OVCH1: variants seen among roughly 807,000 people sequenced by gnomAD.
The protein encoded by OVCH1 is ovochymase 1.
Under a neutral mutation model 138.4 loss-of-function variants are expected in OVCH1, and 139 were observed. That is an observed-to-expected ratio of 1.00 (90% CI 0.87 to 1.16). The LOEUF is 1.16. Among genes scored for constraint, OVCH1 ranks in the 50% most tolerant of loss-of-function variants. OVCH1 has a pLI of 0.00. For missense variants in OVCH1, 1,367 were observed against 1,357.9 expected, an observed-to-expected ratio of 1.01 and a Z score of -0.11; for synonymous variants, 453 against 467.8, an observed-to-expected ratio of 0.97 and a Z score of 0.41.
At chr12:29,472,006 AC>A (rs768877159) in intron 15 of OVCH1, 24 bp from the exon 16 acceptor site, 1 of 1,581,384 alleles carries the variant, frequency 6.3e-7, no homozygotes, top group Non-Finnish European at 8.6e-7. Context: ...GAAACCAATG[AC>A]CCATAAGGTT....
chr12:29,412,416 T>G (rs533205538), downstream of OVCH1: 1 of 152,484 alleles, frequency 6.6e-6, no homozygotes, highest in South Asian at 2.1e-4. Flanking sequence ...TCTGCGTCAC[T>G]CACGCTGGGA....
exon 19 of OVCH1, chr12:29,461,898 T>A (rs775139885): frequency 1.2e-6 from 2 of 1,613,880 alleles, no homozygotes; most frequent in Non-Finnish European, 1.7e-6. Flanking sequence ...CCAGCACAGA[T>A]CATCTTCTCT....
exon 21 of OVCH1, chr12:29,454,877 G>A (rs1293290072): frequency 1.2e-6 from 2 of 1,612,948 alleles, no homozygotes; most frequent in South Asian, 1.1e-5. Context: ...GGTGTGGGTG[G>A]TGGCAATTGT....
At chr12:29,441,787 G>C (rs373468071) in intron 25 of OVCH1, among the ~76,000 whole-genome samples, 94 of 150,802 alleles carry the variant, frequency 6.2e-4, no homozygotes, top group South Asian at 4.0e-3. Flanking sequence ...AAAAAACAAA[G>C]AACCCCATCA....
downstream of OVCH1, chr12:29,425,799 T>C (rs1308426726): frequency 6.6e-6 from 1 of 152,138 alleles, no homozygotes; most frequent in African/African-American, 2.4e-5. Flanking sequence ...GCAGAACAAG[T>C]TTTGTACATG....
chr12:29,488,464 A>C (rs555239175), intron 6 of OVCH1, among the ~76,000 whole-genome samples: 1 of 151,776 alleles, frequency 6.6e-6, no homozygotes, highest in South Asian at 2.1e-4. Flanking sequence ...TAAAAATACA[A>C]AAAAATTAGC....
exon 7 of OVCH1, chr12:29,487,788 G>A: frequency 6.2e-7 from 1 of 1,606,226 alleles, no homozygotes; most frequent in Non-Finnish European, 8.5e-7. Context: ...TACGGGAACT[G>A]AACCTCCAGC....
chr12:29,423,238 A>G, downstream of OVCH1: 1 of 455,992 alleles, frequency 2.2e-6, no homozygotes, highest in Non-Finnish European at 4.4e-6. Flanking sequence ...CTTAAAATGC[A>G]CAGTCAGGTA....
chr12:29,405,021 C>CAAAAAAAA, the OVCH1 span, among the ~76,000 whole-genome samples: 30 of 80,436 alleles, frequency 3.7e-4, no homozygotes, highest in East Asian at 9.0e-4. Flanking sequence ...CACTCCACCT[C>CAAAAAAAA]AAAAAAAAAA....
chr12:29,402,361 A>C, the OVCH1 span, among the ~76,000 whole-genome samples: 1 of 152,338 alleles, frequency 6.6e-6, no homozygotes, highest in South Asian at 2.1e-4. Context: ...CAGAACCTTT[A>C]GACCAATATT....
chr12:29,406,768 G>A, the OVCH1 span, among the ~76,000 whole-genome samples: 3 of 142,724 alleles, frequency 2.1e-5, no homozygotes, highest in South Asian at 2.4e-4. Context: ...ATAAACATAC[G>A]TGTGCATGTG....
intron 26 of OVCH1, among the ~76,000 whole-genome samples, chr12:29,436,904 G>C (rs1454914770): frequency 1.3e-5 from 2 of 152,202 alleles, no homozygotes; most frequent in Non-Finnish European, 2.9e-5. Context: ...AGCTTCCACA[G>C]CATGGAAAGG....
chr12:29,412,312 G>A (rs904695388), downstream of OVCH1, among the ~76,000 whole-genome samples: 7 of 152,006 alleles, frequency 4.6e-5, no homozygotes, highest in Non-Finnish European at 8.8e-5. Flanking sequence ...AGCTGCGCAC[G>A]GTGAGCTGCA....
At chr12:29,437,523 T>TAC (rs1343734326) in intron 26 of OVCH1, among the ~76,000 whole-genome samples, 1 of 152,214 alleles carries the variant, frequency 6.6e-6, no homozygotes, top group Non-Finnish European at 1.5e-5. Flanking sequence ...TAACTGATCA[T>TAC]ACACAATATG....
intron 19 of OVCH1, 136 bp from the exon 20 acceptor site, chr12:29,455,541 T>C: frequency 9.8e-7 from 1 of 1,023,850 alleles, no homozygotes; most frequent in Non-Finnish European, 1.3e-6. Flanking sequence ...TCAATTTCCA[T>C]CTTTACATAC....
intron 16 of OVCH1, among the ~76,000 whole-genome samples, chr12:29,470,720 T>G (rs1343102414): frequency 6.6e-6 from 1 of 152,232 alleles, no homozygotes; most frequent in East Asian, 1.9e-4. Context: ...TTATAATCTT[T>G]TGGGTATATA....
rs146933265 is a variant in OVCH1, at chr12:29,428,358, T to G, written c.3328-710A>C. On this transcript the variant is annotated intron_variant, in intron 27 of 27. Transcript: ENST00000318184. ...CTCCAAAATTACCCAAAGCTCTACC[T>G]CTATTATAGGTTTTTCTAACACCTT... Among the ~76,000 whole-genome samples, 348 of 152,302 alleles carry G rather than the reference T, an allele frequency of 2.3e-3. 2 individuals are homozygous for G. The highest frequency in any genetic ancestry group is 0.017 in the Middle Eastern group (5 of 294).
At chr12:29,417,314 T>C (rs1189691696) in intron 3 of OVCH1, among the ~76,000 whole-genome samples, 1 of 151,552 alleles carries the variant, frequency 6.6e-6, no homozygotes, top group Non-Finnish European at 1.5e-5. Flanking sequence ...ATACAAAAAC[T>C]TAGCCAGGCA....
intron 25 of OVCH1, among the ~76,000 whole-genome samples, chr12:29,442,996 T>C (rs1029373963): frequency 5.3e-5 from 8 of 152,120 alleles, no homozygotes; most frequent in Non-Finnish European, 1.0e-4. Flanking sequence ...CTCCTACCAA[T>C]TGATAAACTC....
Sources: gnomAD v4.1 joint callset for allele counts (sites outside exome capture counted in the v4.1 genomes callset) on GRCh38, gnomAD v4.1.1 for gene constraint, MANE v1.5 for transcripts, NCBI Gene and HGNC (gene_info 2026-07-23, HGNC 2026-07-21) for gene names.